The following FRMD4A variants were observed in gnomAD, a reference collection of about 807,000 sequenced individuals.
FRMD4A encodes FERM domain containing 4A.
Under a neutral mutation model 129.1 loss-of-function variants are expected in FRMD4A, and 29 were observed. The observed-to-expected ratio is 0.22, with a 90% CI of 0.17 to 0.31. The LOEUF (loss-of-function observed/expected upper bound fraction) is 0.31. FRMD4A is among the 10% of genes least tolerant of loss of function. FRMD4A has a pLI of 1.00. For missense variants in FRMD4A, 1,272 were observed against 1,375.8 expected (o/e 0.92, Z 1.19); for synonymous variants, 634 against 571.6 (o/e 1.11, Z -1.56).
chr10:14,319,667 C>G (rs1426043430), intron 2 of FRMD4A, among the ~76,000 whole-genome samples: 1 of 152,178 alleles, frequency 6.6e-6, no homozygotes, highest in Admixed American at 6.5e-5. Flanking sequence ...GAATGCACCT[C>G]TCTCAGGCTT....
chr10:13,908,175 A>C (rs111580454), intron 2 of FRMD4A, among the ~76,000 whole-genome samples: 28 of 133,846 alleles, frequency 2.1e-4, no homozygotes, highest in African/African-American at 1.1e-3. Flanking sequence ...AAAAAAAAAA[A>C]AAAAAAAAAA....
chr10:14,203,659 T>C (rs1014269562), intron 2 of FRMD4A, among the ~76,000 whole-genome samples: 5 of 152,226 alleles, frequency 3.3e-5, no homozygotes, highest in African/African-American at 9.6e-5. Flanking sequence ...GTCACCTTGT[T>C]TGTCATCTTG....
chr10:13,650,681 G>C (rs12264819), intron 24 of FRMD4A, among the ~76,000 whole-genome samples: 90,610 of 151,966 alleles, frequency 0.6, 27,308 homozygotes, highest in East Asian at 0.84. Context: ...TGTCCTAATT[G>C]CCCATCTGTC....
chr10:13,915,437 C>G lies in FRMD4A; in HGVS notation c.46-56525G>C, dbSNP rs577235058. ...CCTGTAATCCCAGCACTTTGGGAGG[C>G]TGAGGCGGGCGGATCACAAGGTCAG... On this transcript the variant is annotated intron_variant, in intron 2 of 24. Coordinates refer to ENST00000357447, the MANE Select transcript of FRMD4A (RefSeq NM_018027.5). Among the ~76,000 whole-genome samples, 298 of 152,010 alleles carry G rather than the reference C, an allele frequency of 2.0e-3. 2 individuals are homozygous for G. The highest frequency in any genetic ancestry group is 4.4e-3 in the Admixed American group (68 of 15,284).
chr10:13,767,248 A>T (rs1564766957), intron 6 of FRMD4A, among the ~76,000 whole-genome samples: 1 of 151,148 alleles, frequency 6.6e-6, no homozygotes, highest in East Asian at 1.9e-4. Context: ...CTTTTCATTT[A>T]TTTTTTTTGA....
At chr10:13,717,041 G>A (rs1306149641) in intron 12 of FRMD4A, among the ~76,000 whole-genome samples, 2 of 152,214 alleles carry the variant, frequency 1.3e-5, no homozygotes, top group Admixed American at 6.5e-5. Flanking sequence ...AAGCTGTCCA[G>A]TGATTTGGAA....
intron 2 of FRMD4A, among the ~76,000 whole-genome samples, chr10:14,134,445 T>G (rs1470974849): frequency 6.8e-6 from 1 of 147,098 alleles, no homozygotes; most frequent in African/African-American, 2.5e-5. Context: ...GATAGATATG[T>G]GGATGGATGG....
At chr10:13,960,334 G>C (rs577045134) in intron 2 of FRMD4A, among the ~76,000 whole-genome samples, 2 of 152,306 alleles carry the variant, frequency 1.3e-5, no homozygotes, top group South Asian at 4.1e-4. Flanking sequence ...TTTTTGAGAC[G>C]TTAAGGAATA....
chr10:14,284,489 A>G (rs1327368522), intron 2 of FRMD4A, among the ~76,000 whole-genome samples: 1 of 152,212 alleles, frequency 6.6e-6, no homozygotes, highest in Non-Finnish European at 1.5e-5. Flanking sequence ...TCTACTAAAA[A>G]TACATTTTAA....
At chr10:13,893,812 A>G (rs2094727967) in intron 2 of FRMD4A, among the ~76,000 whole-genome samples, 1 of 152,214 alleles carries the variant, frequency 6.6e-6, no homozygotes, top group Admixed American at 6.5e-5. Context: ...CACCCAGCTC[A>G]GACATACATT....
intron 2 of FRMD4A, among the ~76,000 whole-genome samples, chr10:14,240,727 A>G (rs1354481722): frequency 6.6e-6 from 1 of 152,204 alleles, no homozygotes; most frequent in Non-Finnish European, 1.5e-5. Flanking sequence ...GTGAAAAAGG[A>G]CTAACATCTG....
At chr10:13,749,861 T>C (rs1252728909) in intron 8 of FRMD4A, among the ~76,000 whole-genome samples, 2 of 151,548 alleles carry the variant, frequency 1.3e-5, no homozygotes, top group East Asian at 3.9e-4. Context: ...CAGTGATGCA[T>C]GCCTGTAGTC....
chr10:13,952,992 C>T (rs774464327), intron 2 of FRMD4A, among the ~76,000 whole-genome samples: 5 of 152,170 alleles, frequency 3.3e-5, no homozygotes, highest in Non-Finnish European at 7.4e-5. Context: ...CCACCCTGCC[C>T]GGCCCAAATT....
intron 2 of FRMD4A, among the ~76,000 whole-genome samples, chr10:14,272,506 C>T (rs1845196361): frequency 6.6e-6 from 1 of 152,218 alleles, no homozygotes; most frequent in Non-Finnish European, 1.5e-5. Context: ...AAGACACTCT[C>T]CATCCTAACA....
intron 8 of FRMD4A, 114 bp downstream of exon 8, chr10:13,761,533 A>T: frequency 1.4e-6 from 1 of 731,948 alleles, no homozygotes; most frequent in Non-Finnish European, 2.4e-6. Context: ...TCTCATCATT[A>T]ACATATAACA....
intron 3 of FRMD4A, 123 bp from the exon 4 acceptor site, chr10:13,811,031 A>G: frequency 3.5e-6 from 2 of 574,980 alleles, no homozygotes; most frequent in Non-Finnish European, 6.2e-6. Flanking sequence ...TTTTGAAGCA[A>G]ATGATTTTTA....
intron 2 of FRMD4A, among the ~76,000 whole-genome samples, chr10:13,982,466 A>AAGGGGAGGGG (rs1209830457): frequency 6.3e-5 from 2 of 31,510 alleles, no homozygotes; most frequent in Non-Finnish European, 1.4e-4. Context: ...CTGAGAAGGG[A>AAGGGGAGGGG]AGGGGAGGGG....
chr10:14,161,476 T>C (rs562525395), intron 2 of FRMD4A, among the ~76,000 whole-genome samples: 1 of 152,182 alleles, frequency 6.6e-6, no homozygotes, highest in African/African-American at 2.4e-5. Context: ...CACAATGAAA[T>C]ACTGTTTGGC....
chr10:13,807,770 T>C (rs2093379683), intron 4 of FRMD4A, among the ~76,000 whole-genome samples: 1 of 151,770 alleles, frequency 6.6e-6, no homozygotes. Flanking sequence ...ATATATGACC[T>C]AGAGTCACAC....
Sources: gnomAD v4.1 joint callset for allele counts (sites outside exome capture counted in the v4.1 genomes callset) on GRCh38, gnomAD v4.1.1 for gene constraint, MANE v1.5 for transcripts, NCBI Gene and HGNC (gene_info 2026-07-23, HGNC 2026-07-21) for gene names.